TXLNB: variants seen among roughly 807,000 people sequenced by gnomAD.
The protein encoded by TXLNB is taxilin beta.
Under a neutral mutation model 57.4 loss-of-function variants are expected in TXLNB, and 37 were observed. That is an observed-to-expected ratio of 0.64 (90% CI 0.50 to 0.85). The LOEUF (loss-of-function observed/expected upper bound fraction) is 0.85, where lower values mean the gene tolerates loss of function less well. Among genes scored for constraint, TXLNB ranks in the 40% least tolerant of loss-of-function variants. The pLI, the probability that TXLNB is intolerant of heterozygous loss-of-function variation, is 0.00. For missense variants in TXLNB, 848 were observed against 825.6 expected (o/e 1.03, Z -0.33); for synonymous variants, 302 against 309.6 (o/e 0.98, Z 0.26).
At chr6:139,175,525 C>G in the TXLNB span, among the ~76,000 whole-genome samples, 2 of 152,178 alleles carry the variant, frequency 1.3e-5, no homozygotes, top group Non-Finnish European at 2.9e-5. Context: ...CCTCTGCACA[C>G]ACACACCGTG....
the TXLNB span, among the ~76,000 whole-genome samples, chr6:139,198,472 C>T: frequency 1.3e-5 from 2 of 152,162 alleles, no homozygotes; most frequent in Non-Finnish European, 2.9e-5. Context: ...CATCTCAGGC[C>T]GGGGTGCCTA....
chr6:139,248,639 A>T (rs1342474549), intron 7 of TXLNB, among the ~76,000 whole-genome samples: 1 of 152,240 alleles, frequency 6.6e-6, no homozygotes, highest in African/African-American at 2.4e-5. Flanking sequence ...AGGGACCTGC[A>T]CTTCTAATGG....
chr6:139,186,321 TG>T, the TXLNB span, among the ~76,000 whole-genome samples: 205 of 152,314 alleles, frequency 1.3e-3, 6 homozygotes, highest in South Asian at 0.04. Context: ...GAAAAGGATT[TG>T]TATCCAGAAT....
At chr6:139,160,706 G>A in the TXLNB span, among the ~76,000 whole-genome samples, 1 of 152,174 alleles carries the variant, frequency 6.6e-6, no homozygotes, top group Non-Finnish European at 1.5e-5. Context: ...GAGCCACTGT[G>A]CCTGGCCATA....
the TXLNB span, chr6:139,234,353 A>G: frequency 6.6e-6 from 1 of 152,288 alleles, no homozygotes; most frequent in African/African-American, 2.4e-5. Flanking sequence ...AGACCTTCAT[A>G]GCGGCACCTC....
chr6:139,203,255 A>G, the TXLNB span, among the ~76,000 whole-genome samples: 1 of 152,154 alleles, frequency 6.6e-6, no homozygotes, highest in Non-Finnish European at 1.5e-5. Context: ...AAATCTTAAA[A>G]GTTCTTCCCT....
intron 1 of TXLNB, among the ~76,000 whole-genome samples, chr6:139,289,813 T>G (rs1247530237): frequency 2.0e-5 from 3 of 152,204 alleles, no homozygotes; most frequent in African/African-American, 7.2e-5. Context: ...TAGTTTTCTT[T>G]CAAAGTTAAA....
At position 139,254,223 on chromosome 6, in the gene TXLNB, A is replaced by G. The variant is rs78245892; in HGVS notation, c.1077+1341T>C. Among the ~76,000 whole-genome samples the G allele has an allele frequency of 6.9e-3, 1,050 of 152,310 alleles. 12 individuals carry two copies. The highest frequency in any genetic ancestry group is 0.024 in the African/African-American group (983 of 41,564). ...GAAATATACTTTAAGAAGGCTAGAT[A>G]TGAAAATGTTCCCTGTATTTTTGTC... On this transcript the variant is annotated intron_variant, in intron 7 of 9. Transcript: ENST00000358430.
chr6:139,212,849 CT>C, the TXLNB span, among the ~76,000 whole-genome samples: 4 of 152,162 alleles, frequency 2.6e-5, no homozygotes, highest in Non-Finnish European at 5.9e-5. Flanking sequence ...ATAAAACAGA[CT>C]CTAAACCAAC....
At chr6:139,228,512 G>A in the TXLNB span, among the ~76,000 whole-genome samples, 1 of 135,492 alleles carries the variant, frequency 7.4e-6, no homozygotes, top group South Asian at 2.5e-4. Context: ...GACAACAAGA[G>A]TGAAACTCCA....
chr6:139,299,675 G>T, the TXLNB span, among the ~76,000 whole-genome samples: 2 of 152,002 alleles, frequency 1.3e-5, no homozygotes, highest in South Asian at 2.1e-4. Flanking sequence ...TAACTCCAGG[G>T]GTCACTGTTC....
chr6:139,216,729 G>A, the TXLNB span, among the ~76,000 whole-genome samples: 6 of 152,170 alleles, frequency 3.9e-5, no homozygotes, highest in African/African-American at 1.4e-4. Context: ...CTTGGATGGA[G>A]CTGGAGGACA....
chr6:139,242,835 G>A lies in TXLNB; in HGVS notation c.1746C>T (p.Ala582=), dbSNP rs61741439. The A allele has an allele frequency of 6.2e-7, 1 of 1,614,086 alleles. No homozygotes were observed. Among genetic ancestry groups the A allele is most frequent in the Non-Finnish European group, 8.5e-7 (1 of 1,180,028 alleles). Residue 582 remains alanine (A), a synonymous_variant, in exon 10 of 10, where the codon GCC becomes GCT. Transcript: ENST00000358430. ...CGCATTGGGTTTCTGCTCCCAACCC[G>A]GCAGGAGAATTACTGGCCTTGGAGG... is the stretch of plus-strand genomic sequence containing the variant. ...EPPSKASNSP[A]GLGAETQCEG... is the part of the protein sequence containing the mutation.
chr6:139,256,531 T>A (rs1403098394), intron 6 of TXLNB, among the ~76,000 whole-genome samples: 1 of 152,244 alleles, frequency 6.6e-6, no homozygotes, highest in African/African-American at 2.4e-5. Flanking sequence ...GGTTTTGCCA[T>A]GTTGGCCAGG....
At chr6:139,234,776 C>T in the TXLNB span, among the ~76,000 whole-genome samples, 1 of 152,282 alleles carries the variant, frequency 6.6e-6, no homozygotes, top group East Asian at 1.9e-4. Context: ...CCTAGTGGAG[C>T]GTGGAGCTGT....
At chr6:139,249,404 A>T (rs1413639180) in intron 7 of TXLNB, among the ~76,000 whole-genome samples, 2 of 152,188 alleles carry the variant, frequency 1.3e-5, no homozygotes, top group Admixed American at 6.5e-5. Context: ...AATGGGTATA[A>T]CATTTTCATA....
At chr6:139,211,839 C>A in the TXLNB span, among the ~76,000 whole-genome samples, 3 of 152,120 alleles carry the variant, frequency 2.0e-5, no homozygotes, top group African/African-American at 7.2e-5. Flanking sequence ...AATGCACAAG[C>A]CTCAGTAACC....
intron 2 of TXLNB, among the ~76,000 whole-genome samples, chr6:139,285,927 C>T (rs144309490): frequency 0.013 from 1,928 of 145,388 alleles, 243 homozygotes; most frequent in Admixed American, 0.044. Context: ...ATTTTACCCA[C>T]GAGAGGCCTC....
the TXLNB span, among the ~76,000 whole-genome samples, chr6:139,206,450 C>T: frequency 8.5e-5 from 13 of 152,072 alleles, no homozygotes; most frequent in South Asian, 4.1e-4. Flanking sequence ...GGGCGGATCA[C>T]GAAGTCAGGA....
Sources: allele counts gnomAD v4.1 joint callset (sites outside exome capture counted in the v4.1 genomes callset), GRCh38; gene constraint gnomAD v4.1.1; transcripts MANE v1.5; gene names NCBI Gene and HGNC (gene_info 2026-07-23, HGNC 2026-07-21).